The following PLB1 variants were observed in gnomAD, a reference collection of about 807,000 sequenced individuals.
The protein encoded by PLB1 is phospholipase B1, also known as phospholipase B1, membrane-associated.
PLB1 carries 242 observed loss-of-function variants against 227.4 expected under a neutral mutation model. The ratio of observed to expected loss-of-function variants is 1.06; its 90% CI spans 0.96 to 1.18. The LOEUF is 1.18. Among genes scored for constraint, PLB1 ranks in the 50% most tolerant of loss-of-function variants. The pLI is 0.00. For missense variants in PLB1, 1,858 were observed against 1,816.3 expected, an observed-to-expected ratio of 1.02 and a Z score of -0.42; for synonymous variants, 757 against 682.2, an observed-to-expected ratio of 1.11 and a Z score of -1.71.
chr2:28,541,185 T>TAAATAAA (rs1553414256), intron 12 of PLB1, among the ~76,000 whole-genome samples: 4,957 of 150,074 alleles, frequency 0.033, 110 homozygotes, highest in South Asian at 0.081. Context: ...AATAAATAAA[T>TAAATAAA]TAAATAAATA....
At chr2:28,624,944 G>A (rs566811348) in intron 49 of PLB1, 113 bp from the exon 50 acceptor site, 8 of 989,266 alleles carry the variant, frequency 8.1e-6, no homozygotes, top group Middle Eastern at 4.2e-4. Context: ...AATGACCTTT[G>A]TACTGGTAAC....
At position 28,601,956 on chromosome 2, in the gene PLB1, C is replaced by T; in HGVS notation, c.2665C>T (p.His889Tyr). 1.2e-6 allele frequency: 2 copies of T among 1,610,132 alleles called. No individual in the cohort carries two copies. Among genetic ancestry groups the T allele is most frequent in the Non-Finnish European group, 1.7e-6 (2 of 1,176,568 alleles). Residue 889 changes from histidine to tyrosine, a missense_variant, in exon 38 of 58, where the codon CAT becomes TAT. Transcript: ENST00000327757. ...HHLRNALDVL[H>Y]REVPRVLVNL... ...TCTCCGCAATGCCTTGGACGTCCTGCATAGAGAGGTGGGTGGGGGGCTTCC... is the reference window on the plus strand; with the variant it reads ...TCTCCGCAATGCCTTGGACGTCCTGTATAGAGAGGTGGGTGGGGGGCTTCC...
At chr2:28,590,191 C>A (rs1681659850) in intron 29 of PLB1, 115 bp downstream of exon 29, 1 of 908,046 alleles carries the variant, frequency 1.1e-6, no homozygotes, top group South Asian at 1.4e-5. Context: ...CCATTTTATA[C>A]TCCAGGGTTA....
At chr2:28,583,940 G>A (rs1354335962) in intron 25 of PLB1, among the ~76,000 whole-genome samples, 4 of 152,062 alleles carry the variant, frequency 2.6e-5, no homozygotes, top group East Asian at 1.9e-4. Context: ...CTCCAGGACC[G>A]TCAGGAATAA....
At chr2:28,534,131 A>C (rs1671366129) in intron 9 of PLB1, among the ~76,000 whole-genome samples, 2 of 152,202 alleles carry the variant, frequency 1.3e-5, no homozygotes, top group African/African-American at 4.8e-5. Context: ...AGTATTGTTG[A>C]GATCTAGTCA....
chr2:28,550,093 A>G lies in PLB1; in HGVS notation c.1083+9A>G. On this transcript the variant is annotated intron_variant, in intron 16 of 57. Coordinates refer to ENST00000327757, the MANE Select transcript of PLB1 (RefSeq NM_153021.5). ...CCCAAGACAAGCTTGAGGTAAGGAA[A>G]GGTTTTCTGTAATTGACAAACATGC... The G allele has an allele frequency of 6.2e-7, 1 of 1,603,202 alleles. No homozygotes were observed. The highest frequency in any genetic ancestry group is 1.1e-5 in the South Asian group (1 of 90,190).
chr2:28,577,994 C>A, intron 21 of PLB1, 113 bp from the exon 22 acceptor site: 1 of 1,001,614 alleles, frequency 1.0e-6, no homozygotes, highest in Non-Finnish European at 1.6e-6. Context: ...CATTTTCCTG[C>A]AGGAGGCCCA....
intron 8 of PLB1, among the ~76,000 whole-genome samples, chr2:28,530,349 T>C (rs1381187050): frequency 6.6e-6 from 1 of 152,164 alleles, no homozygotes; most frequent in Non-Finnish European, 1.5e-5. Context: ...TCCCTAAACC[T>C]CAGTTTTTCT....
intron 20 of PLB1, among the ~76,000 whole-genome samples, chr2:28,567,469 CTTT>C (rs57787583): frequency 1.4e-3 from 146 of 108,066 alleles, no homozygotes; most frequent in African/African-American, 4.4e-3. Flanking sequence ...ATTTCTTTCT[CTTT>C]TTTTTTTTTT....
rs148017311 is a variant in PLB1 at position 28,602,872 on chromosome 2, C to A, written c.2725C>A (p.Arg909=). The change falls in exon 39 of 58, where the codon CGG becomes AGG. Residue 909 remains arginine (R), a synonymous_variant. Transcript: ENST00000327757. Reference sequence around the variant, plus strand: ...GGACTTCCTGAACCCCACTATCATGCGGCAGGTGTTCCTGGGAAACCCAGA... The same window carrying A: ...GGACTTCCTGAACCCCACTATCATGAGGCAGGTGTTCCTGGGAAACCCAGA... ...LVDFLNPTIM[R]QVFLGNPDKC... The A allele has an allele frequency of 7.4e-6, 12 of 1,614,192 alleles. No homozygotes were observed. Among genetic ancestry groups the A allele is most frequent in the South Asian group, 1.1e-5 (1 of 91,088 alleles).
rs1177698248 is a variant in PLB1 at position 28,643,300 on chromosome 2, T to C, written c.*239T>C. On this transcript the variant is annotated 3_prime_UTR_variant, in exon 58 of 58. Coordinates refer to ENST00000327757, the MANE Select transcript of PLB1 (RefSeq NM_153021.5). ...GTTTGCCTGCGTGAAGCACTCACCTTCCATCTCTTGTGCAGCCCAGGTGTG... is the reference window on the plus strand; with the variant it reads ...GTTTGCCTGCGTGAAGCACTCACCTCCCATCTCTTGTGCAGCCCAGGTGTG... 2.4e-6 allele frequency: 1 copy of C among 409,690 alleles called. No individual in the cohort carries two copies. The highest frequency in any genetic ancestry group is 2.0e-5 in the African/African-American group (1 of 49,448). 25.4% of individuals were successfully genotyped at this position (409,690 alleles called of 1,614,324 possible).
At chr2:28,577,233 C>G (rs1679115652) in intron 21 of PLB1, among the ~76,000 whole-genome samples, 1 of 152,222 alleles carries the variant, frequency 6.6e-6, no homozygotes, top group African/African-American at 2.4e-5. Context: ...CTGGCACCAG[C>G]AGTGGTTCCC....
At chr2:28,585,032 C>T (rs4666103) in intron 25 of PLB1, among the ~76,000 whole-genome samples, 43,194 of 152,048 alleles carry the variant, frequency 0.28, 6,571 homozygotes, top group African/African-American at 0.38. Context: ...GGTTAATACC[C>T]ATAAAGTTTT....
At chr2:28,621,030 G>A (rs1211467245) in intron 49 of PLB1, 52 bp downstream of exon 49, 3 of 1,490,210 alleles carry the variant, frequency 2.0e-6, no homozygotes, top group African/African-American at 1.4e-5. Context: ...TGAGACATCA[G>A]GGTGGGAAAC....
chr2:28,553,389 T>C (rs145690604), intron 17 of PLB1, among the ~76,000 whole-genome samples: 59 of 152,346 alleles, frequency 3.9e-4, no homozygotes, highest in African/African-American at 1.4e-3. Flanking sequence ...ACACACAGAA[T>C]GCACTAAAAC....
chr2:28,543,069 G>A, intron 13 of PLB1, 143 bp from the exon 14 acceptor site: 2 of 803,452 alleles, frequency 2.5e-6, no homozygotes, highest in South Asian at 2.2e-5. Flanking sequence ...AAGTGCCCCT[G>A]TTATTGATGA....
intron 57 of PLB1, among the ~76,000 whole-genome samples, chr2:28,641,689 CAG>C (rs1006593725): frequency 8.5e-5 from 13 of 152,258 alleles, no homozygotes; most frequent in Admixed American, 4.6e-4. Context: ...AAAATAGACT[CAG>C]TGTCTGTTCC....
At chr2:28,526,713 A>G (rs1437612115) in intron 6 of PLB1, among the ~76,000 whole-genome samples, 1 of 152,192 alleles carries the variant, frequency 6.6e-6, no homozygotes, top group Non-Finnish European at 1.5e-5. Flanking sequence ...CGTAGATTAC[A>G]ATGCAAGTGC....
At chr2:28,496,605 A>G (rs1666471737) in intron 1 of PLB1, among the ~76,000 whole-genome samples, 1 of 152,186 alleles carries the variant, frequency 6.6e-6, no homozygotes, top group South Asian at 2.1e-4. Context: ...TTGAAGGACA[A>G]AGGAAGACAG....
Sources: allele counts gnomAD v4.1 joint callset (sites outside exome capture counted in the v4.1 genomes callset), GRCh38; gene constraint gnomAD v4.1.1; transcripts MANE v1.5; gene names NCBI Gene and HGNC (gene_info 2026-07-23, HGNC 2026-07-21).